The following HECA variants were observed in gnomAD, a reference collection of about 807,000 sequenced individuals.
HECA encodes headcase protein homolog.
Under a neutral mutation model 37.6 loss-of-function variants are expected in HECA, and 13 were observed. That is an observed-to-expected ratio of 0.35 (90% CI 0.23 to 0.55). The LOEUF is 0.55. Among genes scored for constraint, HECA ranks in the 20% least tolerant of loss-of-function variants. HECA has a pLI of 0.90. For missense variants in HECA, 527 were observed against 701.9 expected (o/e 0.75, Z 2.82); for synonymous variants, 307 against 291.5 (o/e 1.05, Z -0.54).
In HECA at chr6:139,177,254, C is replaced by G. The variant is rs1332607159; in HGVS notation, c.*149C>G. On this transcript the variant is annotated 3_prime_UTR_variant, in exon 4 of 4. Coordinates refer to ENST00000367658, the MANE Select transcript of HECA (RefSeq NM_016217.3). The surrounding 1 kb of genome is among the most constrained non-coding windows in gnomAD (Gnocchi z 4.9). ...TGTGTGCCACTAAAATAGGGGCTGC[C>G]CTTGCCCTGTCTTGATTCCCGAGTG... 7.2e-6 allele frequency: 4 copies of G among 553,434 alleles called. No individual in the cohort carries two copies. The highest frequency in any genetic ancestry group is 1.3e-5 in the Non-Finnish European group (4 of 313,578). 34.3% of individuals were successfully genotyped at this position (553,434 alleles called of 1,614,324 possible). A position where few individuals can be genotyped will look rare whatever the true frequency, so the allele number is the denominator to read the frequency against.
intron 1 of HECA, among the ~76,000 whole-genome samples, chr6:139,148,450 G>C (rs893081516): frequency 1.3e-5 from 2 of 152,168 alleles, no homozygotes; most frequent in Non-Finnish European, 2.9e-5. Context: ...TTTTAATTTG[G>C]AAGGCTCTGT....
intron 1 of HECA, among the ~76,000 whole-genome samples, chr6:139,143,850 ACT>A (rs1479394130): frequency 5.8e-5 from 7 of 121,014 alleles, no homozygotes; most frequent in African/African-American, 2.1e-4. Context: ...ACAGAGCGAG[ACT>A]CTGTCTCAAA....
intron 2 of HECA, among the ~76,000 whole-genome samples, chr6:139,168,043 T>C (rs1774917812): frequency 6.6e-6 from 1 of 152,208 alleles, no homozygotes; most frequent in Non-Finnish European, 1.5e-5. Context: ...GCTAAAAAGC[T>C]TGTTGTGAAA....
In HECA at chr6:139,166,913, G is replaced by A. The variant is rs1562248450; in HGVS notation, c.901G>A (p.Ala301Thr). ...SRYLGEFLKN[A>T]IHLEPHKKAM... The stretch of plus-strand genomic sequence containing the variant: ...ATACCTCGGGGAGTTCTTAAAGAAC[G>A]CCATCCATCTGGAGCCTCACAAGAA... Residue 301 changes from alanine (A) to threonine (T), a missense_variant, in exon 2 of 4, where the codon GCC (alanine) becomes ACC (threonine). Ala to Thr is a moderately conservative substitution (Grantham distance 58, BLOSUM62 0). This residue lies in a region of HECA where 228 missense variants were observed against 259.8 expected (regional missense o/e 0.88). Coordinates refer to ENST00000367658, the MANE Select transcript of HECA (RefSeq NM_016217.3). The A allele has an allele frequency of 2.5e-6, 4 of 1,613,994 alleles. No homozygotes were observed. The highest frequency in any genetic ancestry group is 3.4e-6 in the Non-Finnish European group (4 of 1,180,006).
At chr6:139,162,706 T>C (rs1409954324) in intron 1 of HECA, among the ~76,000 whole-genome samples, 2 of 152,248 alleles carry the variant, frequency 1.3e-5, no homozygotes, top group Non-Finnish European at 2.9e-5. Flanking sequence ...AATATTTGTA[T>C]AGGCTTTATG....
chr6:139,139,916 A>T (rs1774493810), intron 1 of HECA, among the ~76,000 whole-genome samples: 1 of 152,238 alleles, frequency 6.6e-6, no homozygotes, highest in Non-Finnish European at 1.5e-5. Flanking sequence ...CATAAAACAC[A>T]GGTGTGGGAT....
At chr6:139,165,733 G>C (rs192060859) in intron 1 of HECA, among the ~76,000 whole-genome samples, 127 of 152,210 alleles carry the variant, frequency 8.3e-4, no homozygotes, top group African/African-American at 2.9e-3. Flanking sequence ...TTAAGAATTG[G>C]GTTAGCGGAT....
At chr6:139,141,695 A>T (rs1356435985) in intron 1 of HECA, among the ~76,000 whole-genome samples, 1 of 152,070 alleles carries the variant, frequency 6.6e-6, no homozygotes, top group Non-Finnish European at 1.5e-5. Context: ...TGTTCCTTCA[A>T]GCACTTTTAT....
Position 139,166,490 on chromosome 6 carries a change from C to G in HECA, c.478C>G (p.Arg160Gly). ...GCGCAGCTGGAACGAGAAGCAATGCCGCCAGAACATGTGGACAAAGAAGGG... is the reference window on the plus strand; with the variant it reads ...GCGCAGCTGGAACGAGAAGCAATGCGGCCAGAACATGTGGACAAAGAAGGG... ...RARSWNEKQC[R>G]QNMWTKKGYD... The change falls in exon 2 of 4, where the codon CGC (arginine) becomes GGC (glycine). Residue 160 changes from arginine (R) to glycine (G), a missense_variant. By Grantham distance (125) the Arg-to-Gly change is moderately radical (BLOSUM62 -2). Around this residue, in one of 4 missense-constraint regions of HECA, gnomAD observed 21 missense variants for 51.2 expected, o/e 0.41. Coordinates refer to ENST00000367658, the MANE Select transcript of HECA (RefSeq NM_016217.3). 1 of 1,614,158 alleles carries G rather than the reference C, an allele frequency of 6.2e-7. No homozygotes were observed.
At chr6:139,143,135 T>C (rs1350560795) in intron 1 of HECA, among the ~76,000 whole-genome samples, 1 of 152,230 alleles carries the variant, frequency 6.6e-6, no homozygotes, top group African/African-American at 2.4e-5. Flanking sequence ...CTAGGTGCTA[T>C]AACTTACGCT....
intron 2 of HECA, among the ~76,000 whole-genome samples, chr6:139,171,106 G>A (rs897120257): frequency 6.6e-6 from 1 of 152,108 alleles, no homozygotes; most frequent in Non-Finnish European, 1.5e-5. Context: ...GGGATGTTGG[G>A]ACTTTTGTGT....
intron 1 of HECA, among the ~76,000 whole-genome samples, chr6:139,138,526 T>G (rs1366998045): frequency 1.3e-5 from 2 of 152,238 alleles, no homozygotes; most frequent in African/African-American, 4.8e-5. Context: ...GTTTGGAGTT[T>G]ATAGAATGGT....
intron 2 of HECA, among the ~76,000 whole-genome samples, chr6:139,172,340 G>A (rs1178785266): frequency 1.3e-5 from 2 of 152,154 alleles, no homozygotes; most frequent in Non-Finnish European, 2.9e-5. Flanking sequence ...CACAGCATGC[G>A]GGGCTGACAT....
chr6:139,141,887 G>A (rs1486847973), intron 1 of HECA, among the ~76,000 whole-genome samples: 2 of 151,080 alleles, frequency 1.3e-5, no homozygotes, highest in Non-Finnish European at 2.9e-5. Context: ...CTAGTAGCTG[G>A]GACTACAGGC....
chr6:139,180,591 G>T lies in HECA; in HGVS notation c.*3486G>T, dbSNP rs549020671. The T allele has an allele frequency of 1.3e-5, 2 of 152,490 alleles. No homozygotes were observed. The highest frequency in any genetic ancestry group is 4.8e-5 in the African/African-American group (2 of 41,392). The allele number at this position is 152,490 out of a possible 1,614,324, so 9.4% of individuals were successfully genotyped here. A position where few individuals can be genotyped will look rare whatever the true frequency, so the allele number is the denominator to read the frequency against. ...TAATTGAAAGAAAATATAATGGATG[G>T]GCTCCATTAAAACCAGCTCAAAAAT... On this transcript the variant is annotated 3_prime_UTR_variant, in exon 4 of 4. Coordinates refer to ENST00000367658, the MANE Select transcript of HECA (RefSeq NM_016217.3).
intron 1 of HECA, among the ~76,000 whole-genome samples, chr6:139,150,553 T>G: frequency 6.6e-6 from 1 of 151,526 alleles, no homozygotes; most frequent in East Asian, 1.9e-4. Flanking sequence ...TATTTTTTTC[T>G]TGATCAATTT....
intron 1 of HECA, among the ~76,000 whole-genome samples, chr6:139,158,092 C>T (rs1229731010): frequency 2.6e-5 from 4 of 152,152 alleles, no homozygotes; most frequent in Non-Finnish European, 4.4e-5. Context: ...TGCAGTGGCT[C>T]ACACCTATGA....
chr6:139,150,423 TG>T (rs896958735), intron 1 of HECA, among the ~76,000 whole-genome samples: 24 of 151,724 alleles, frequency 1.6e-4, no homozygotes, highest in African/African-American at 5.6e-4. Context: ...TATATTTTAA[TG>T]TTCTGTGATA....
chr6:139,159,473 T>A (rs1054250456), intron 1 of HECA, among the ~76,000 whole-genome samples: 1 of 151,148 alleles, frequency 6.6e-6, no homozygotes, highest in African/African-American at 2.4e-5. Context: ...AAAAAAAAAA[T>A]GGTACCTGGG....
Sources: allele counts gnomAD v4.1 joint callset (sites outside exome capture counted in the v4.1 genomes callset), GRCh38; gene constraint gnomAD v4.1.1; regional missense constraint gnomAD v4.1.1; non-coding constraint Gnocchi (gnomAD v3.1); transcripts MANE v1.5; gene names NCBI Gene and HGNC (gene_info 2026-07-23, HGNC 2026-07-21).